Variants in SYT14 observed in about 807,000 individuals in gnomAD.
SYT14 encodes the protein synaptotagmin-14.
In SYT14, 32 loss-of-function variants were observed where a neutral mutation model predicts 74.2. The observed-to-expected ratio is 0.43, with a 90% CI of 0.33 to 0.58. The LOEUF (loss-of-function observed/expected upper bound fraction) is 0.58, where lower values mean the gene tolerates loss of function less well. SYT14 is among the 20% of genes least tolerant of loss of function. The pLI is 0.05. For missense variants in SYT14, 791 were observed against 981.8 expected, an observed-to-expected ratio of 0.81 and a Z score of 2.60; for synonymous variants, 298 against 337.7, an observed-to-expected ratio of 0.88 and a Z score of 1.29.
At chr1:210,037,319 T>C (rs12085355) in intron 5 of SYT14, among the ~76,000 whole-genome samples, 19,551 of 152,046 alleles carry the variant, frequency 0.13, 3,949 homozygotes, top group African/African-American at 0.43. Context: ...GAGTATTCTT[T>C]CCTCTTTTGT....
In SYT14 at chr1:209,938,295, G is replaced by A. The variant is rs763376152; in HGVS notation, c.-534+18G>A. ...GATTGAAGGTAAGTGGAGGCTGACA[G>A]CGGGGAGCGAGGACCGGGACCACCC... On this transcript the variant is annotated intron_variant, in intron 1 of 9. Coordinates refer to ENST00000637265, the Ensembl canonical transcript of SYT14. 10 of 1,555,016 alleles carry A rather than the reference G, an allele frequency of 6.4e-6. No individual in the cohort carries two copies. The South Asian group carries it at 1.0e-4, about 16-fold the overall frequency.
chr1:209,992,055 T>C (rs2079698812), intron 2 of SYT14, among the ~76,000 whole-genome samples: 1 of 152,226 alleles, frequency 6.6e-6, no homozygotes, highest in African/African-American at 2.4e-5. Context: ...TGCACCTGTA[T>C]GTTTATTGCA....
At chr1:210,145,088 G>T (rs1424785376) in intron 7 of SYT14, among the ~76,000 whole-genome samples, 1 of 152,146 alleles carries the variant, frequency 6.6e-6, no homozygotes, top group Non-Finnish European at 1.5e-5. Flanking sequence ...AGGTCTGTAG[G>T]TTAGAAAAAT....
intron 5 of SYT14, among the ~76,000 whole-genome samples, chr1:210,075,340 TTG>T (rs1491135077): frequency 1.2e-4 from 13 of 111,932 alleles, no homozygotes; most frequent in South Asian, 5.3e-4. Context: ...TCTCGAGGGT[TTG>T]TTTTTTTTTT....
intron 6 of SYT14, among the ~76,000 whole-genome samples, chr1:210,096,983 T>C (rs1163931192): frequency 1.3e-5 from 2 of 152,250 alleles, no homozygotes; most frequent in Non-Finnish European, 2.9e-5. Context: ...CTGTGAGTTT[T>C]GTCTGTATTT....
At chr1:210,086,921 A>G (rs1459956309) in intron 5 of SYT14, among the ~76,000 whole-genome samples, 1 of 152,088 alleles carries the variant, frequency 6.6e-6, no homozygotes, top group Non-Finnish European at 1.5e-5. Flanking sequence ...CCTGGCTGCC[A>G]TTAACCTTAA....
chr1:209,969,215 A>T (rs949357970), intron 2 of SYT14, among the ~76,000 whole-genome samples: 5 of 152,118 alleles, frequency 3.3e-5, no homozygotes, highest in Non-Finnish European at 5.9e-5. Flanking sequence ...ATATGTGTGC[A>T]TATGCCTTTT....
intron 7 of SYT14, among the ~76,000 whole-genome samples, chr1:210,148,006 T>C (rs765526401): frequency 2.0e-5 from 3 of 151,862 alleles, no homozygotes; most frequent in Non-Finnish European, 4.4e-5. Flanking sequence ...AGGAGTAAAG[T>C]AGTAGGAGGT....
chr1:210,076,607 T>C (rs547139602), intron 5 of SYT14, among the ~76,000 whole-genome samples: 1 of 152,298 alleles, frequency 6.6e-6, no homozygotes, highest in African/African-American at 2.4e-5. Context: ...AAAAGAGGTT[T>C]AATTGGCTCA....
At chr1:209,977,962 T>G (rs1270643030) in intron 2 of SYT14, among the ~76,000 whole-genome samples, 1 of 152,212 alleles carries the variant, frequency 6.6e-6, no homozygotes, top group Non-Finnish European at 1.5e-5. Flanking sequence ...CACTTGATCT[T>G]CCATCACTGA....
chr1:210,057,330 T>C (rs1306415314), intron 5 of SYT14, among the ~76,000 whole-genome samples: 3 of 152,230 alleles, frequency 2.0e-5, no homozygotes, highest in Non-Finnish European at 4.4e-5. Context: ...GTTAATATTG[T>C]ACCCCAGTTT....
chr1:209,979,011 G>A (rs1484097697), intron 2 of SYT14, among the ~76,000 whole-genome samples: 6 of 152,224 alleles, frequency 3.9e-5, no homozygotes, highest in African/African-American at 9.6e-5. Flanking sequence ...AGCCAGGCGC[G>A]GGATATAATC....
intron 2 of SYT14, among the ~76,000 whole-genome samples, chr1:209,971,016 C>G (rs1283228645): frequency 6.6e-6 from 1 of 152,054 alleles, no homozygotes; most frequent in African/African-American, 2.4e-5. Flanking sequence ...CTCTCCAATC[C>G]ATGAGCATGG....
At chr1:209,980,963 T>A (rs1253969306) in intron 2 of SYT14, among the ~76,000 whole-genome samples, 1 of 152,188 alleles carries the variant, frequency 6.6e-6, no homozygotes, top group Non-Finnish European at 1.5e-5. Context: ...TTAAAATAGT[T>A]TTTTTTCTAA....
intron 5 of SYT14, among the ~76,000 whole-genome samples, chr1:210,053,405 C>T (rs771660551): frequency 1.3e-5 from 2 of 152,166 alleles, no homozygotes; most frequent in Non-Finnish European, 2.9e-5. Context: ...AGGGTCTTAA[C>T]TGATGGGCCA....
chr1:209,944,927 T>C (rs932495944), intron 1 of SYT14, among the ~76,000 whole-genome samples: 7 of 152,228 alleles, frequency 4.6e-5, no homozygotes, highest in Non-Finnish European at 1.0e-4. Context: ...TTTTATGTTC[T>C]ACTTGGTGAA....
chr1:209,977,842 C>G (rs2079397580), intron 2 of SYT14, among the ~76,000 whole-genome samples: 1 of 152,180 alleles, frequency 6.6e-6, no homozygotes, highest in Non-Finnish European at 1.5e-5. Context: ...TTCAGGTACA[C>G]CAATCAGACA....
intron 2 of SYT14, among the ~76,000 whole-genome samples, chr1:209,982,168 A>T (rs887107941): frequency 6.6e-6 from 1 of 151,766 alleles, no homozygotes; most frequent in African/African-American, 2.4e-5. Flanking sequence ...TATTATTATT[A>T]TTTTTTAAAT....
intron 4 of SYT14, among the ~76,000 whole-genome samples, chr1:210,019,154 A>AAAAAAAT (rs869203926): frequency 6.7e-6 from 1 of 149,220 alleles, no homozygotes; most frequent in Non-Finnish European, 1.5e-5. Context: ...AAAAAAAAAA[A>AAAAAAAT]GGAGAAAGGG....
Sources: allele counts gnomAD v4.1 joint callset (sites outside exome capture counted in the v4.1 genomes callset), GRCh38; gene constraint gnomAD v4.1.1; transcripts MANE v1.5; gene names NCBI Gene and HGNC (gene_info 2026-07-23, HGNC 2026-07-21).